Variants in DCLK1 observed in about 807,000 individuals in gnomAD.
DCLK1 encodes doublecortin like kinase 1.
DCLK1 carries 16 observed loss-of-function variants against 86.2 expected under a neutral mutation model. That is an observed-to-expected ratio of 0.19 (90% CI 0.13 to 0.28). DCLK1 has a LOEUF of 0.28. Among genes scored for constraint, DCLK1 ranks in the 10% least tolerant of loss-of-function variants. The probability of loss-of-function intolerance (pLI) is 1.00; values close to 1 mark genes in which losing one functional copy is unlikely to be tolerated. For missense variants in DCLK1, 590 were observed against 940.2 expected, an observed-to-expected ratio of 0.63 and a Z score of 4.87; for synonymous variants, 369 against 370.5, an observed-to-expected ratio of 1.00 and a Z score of 0.05.
At chr13:35,844,114 C>T (rs900434941) in intron 6 of DCLK1, among the ~76,000 whole-genome samples, 2 of 152,166 alleles carry the variant, frequency 1.3e-5, no homozygotes, top group African/African-American at 4.8e-5. Context: ...ACTGCTTTTT[C>T]CAAATTCCTT....
At chr13:36,015,740 A>G (rs1419914300) in intron 3 of DCLK1, among the ~76,000 whole-genome samples, 2 of 152,084 alleles carry the variant, frequency 1.3e-5, no homozygotes, top group African/African-American at 2.4e-5. Context: ...ACACCTGCCA[A>G]CCAGTGATCA....
intron 3 of DCLK1, among the ~76,000 whole-genome samples, chr13:35,974,907 C>G (rs1454472123): frequency 6.6e-6 from 1 of 152,182 alleles, no homozygotes; most frequent in Non-Finnish European, 1.5e-5. Flanking sequence ...GTATGTGGTA[C>G]TTTGTTATGG....
chr13:35,988,173 C>T (rs1439173983), intron 3 of DCLK1, among the ~76,000 whole-genome samples: 4 of 152,238 alleles, frequency 2.6e-5, no homozygotes, highest in Non-Finnish European at 4.4e-5. Context: ...CTGTTCTCAG[C>T]GCTGGGATGC....
At chr13:35,844,906 G>A (rs1175160232) in intron 6 of DCLK1, among the ~76,000 whole-genome samples, 2 of 152,132 alleles carry the variant, frequency 1.3e-5, no homozygotes, top group African/African-American at 4.8e-5. Flanking sequence ...TAGTAAAAAT[G>A]TTAGATTTAA....
At chr13:35,867,217 T>C (rs1360341447) in intron 5 of DCLK1, among the ~76,000 whole-genome samples, 1 of 152,222 alleles carries the variant, frequency 6.6e-6, no homozygotes, top group Non-Finnish European at 1.5e-5. Flanking sequence ...ATCTCTTATA[T>C]AATCAGAAAA....
intron 4 of DCLK1, among the ~76,000 whole-genome samples, chr13:35,924,051 A>G (rs1424135084): frequency 6.6e-6 from 1 of 152,128 alleles, no homozygotes; most frequent in African/African-American, 2.4e-5. Context: ...TCACAGCCGA[A>G]CTGCCTTTGA....
At chr13:35,978,083 T>G (rs1261858800) in intron 3 of DCLK1, among the ~76,000 whole-genome samples, 1 of 152,078 alleles carries the variant, frequency 6.6e-6, no homozygotes, top group African/African-American at 2.4e-5. Context: ...TGGTGTCAAT[T>G]TCAAATATGT....
intron 2 of DCLK1, among the ~76,000 whole-genome samples, chr13:36,116,225 T>C (rs7984932): frequency 0.6 from 90,606 of 151,962 alleles, 27,681 homozygotes; most frequent in East Asian, 0.86. Flanking sequence ...GCTGGGATTA[T>C]AGGCGTGAGC....
intron 3 of DCLK1, among the ~76,000 whole-genome samples, chr13:35,984,803 G>A (rs1004816030): frequency 5.9e-5 from 9 of 152,068 alleles, no homozygotes; most frequent in African/African-American, 1.4e-4. Context: ...CTGTACCAGC[G>A]AATGTTCCCT....
At chr13:35,818,774 A>G (rs1239461949) in intron 11 of DCLK1, among the ~76,000 whole-genome samples, 1 of 152,068 alleles carries the variant, frequency 6.6e-6, no homozygotes, top group Non-Finnish European at 1.5e-5. Flanking sequence ...TGACTTGTGT[A>G]AACTGAAGGT....
intron 3 of DCLK1, among the ~76,000 whole-genome samples, chr13:35,966,846 G>A (rs1296876764): frequency 4.6e-5 from 7 of 151,838 alleles, no homozygotes; most frequent in East Asian, 2.0e-4. Context: ...CGTGATCTCC[G>A]CTCGCTACCA....
intron 16 of DCLK1, among the ~76,000 whole-genome samples, chr13:35,787,670 A>G (rs181211964): frequency 5.8e-4 from 89 of 152,284 alleles, no homozygotes; most frequent in African/African-American, 2.0e-3. Flanking sequence ...AAACAAAACA[A>G]AAAGGTGGAG....
chr13:36,014,395 C>A (rs892198792), intron 3 of DCLK1, among the ~76,000 whole-genome samples: 13 of 152,188 alleles, frequency 8.5e-5, no homozygotes, highest in Non-Finnish European at 1.5e-4. Flanking sequence ...CAGAGAGCAA[C>A]TTTTTTGTTG....
chr13:36,115,542 T>C (rs1885754698), intron 2 of DCLK1, among the ~76,000 whole-genome samples: 1 of 152,168 alleles, frequency 6.6e-6, no homozygotes, highest in South Asian at 2.1e-4. Context: ...TTGTTTGTTT[T>C]TTCAGTTTGT....
intron 8 of DCLK1, among the ~76,000 whole-genome samples, chr13:35,834,477 C>T (rs959389717): frequency 1.3e-5 from 2 of 152,122 alleles, no homozygotes; most frequent in African/African-American, 2.4e-5. Flanking sequence ...TGACCTTGGG[C>T]GCTTAACATG....
chr13:35,796,551 G>T (rs2086815669), intron 15 of DCLK1, among the ~76,000 whole-genome samples: 1 of 152,164 alleles, frequency 6.6e-6, no homozygotes, highest in Non-Finnish European at 1.5e-5. Flanking sequence ...GGTGACACAA[G>T]TGTTAACTGC....
intron 8 of DCLK1, among the ~76,000 whole-genome samples, chr13:35,833,622 G>T (rs1869136116): frequency 6.6e-6 from 1 of 152,174 alleles, no homozygotes; most frequent in Non-Finnish European, 1.5e-5. Flanking sequence ...CATTGTTGTA[G>T]ACAAATCTTG....
chr13:35,905,105 G>A (rs996077738), intron 4 of DCLK1, among the ~76,000 whole-genome samples: 1 of 152,188 alleles, frequency 6.6e-6, no homozygotes, highest in Non-Finnish European at 1.5e-5. Flanking sequence ...CTCAATGAGA[G>A]GGTGTCAAAA....
intron 6 of DCLK1, among the ~76,000 whole-genome samples, chr13:35,853,930 G>A (rs1204171882): frequency 6.6e-6 from 1 of 152,170 alleles, no homozygotes. Context: ...TCCTTAGGGT[G>A]GAGAAGCTAA....
Sources: allele counts gnomAD v4.1 joint callset (sites outside exome capture counted in the v4.1 genomes callset), GRCh38; gene constraint gnomAD v4.1.1; transcripts MANE v1.5; gene names NCBI Gene and HGNC (gene_info 2026-07-23, HGNC 2026-07-21).